Variants in TMEM178B observed in about 807,000 individuals in gnomAD.
TMEM178B encodes the protein transmembrane protein 178B.
TMEM178B carries 5 observed loss-of-function variants against 31.0 expected under a neutral mutation model. The observed-to-expected ratio is 0.16, with a 90% confidence interval of 0.08 to 0.34. The LOEUF is 0.34. Ranked by LOEUF, TMEM178B falls within the 10% of genes least tolerant of loss-of-function variation. The pLI, the probability that TMEM178B is intolerant of heterozygous loss-of-function variation, is 1.00. For synonymous variants in TMEM178B, 164 were observed against 164.0 expected, an observed-to-expected ratio of 1.00 and a Z score of 0.00; for missense variants, 275 against 400.3, an observed-to-expected ratio of 0.69 and a Z score of 2.67.
chr7:141,407,178 C>G (rs2116628393), intron 2 of TMEM178B, among the ~76,000 whole-genome samples: 1 of 152,338 alleles, frequency 6.6e-6, no homozygotes, highest in Non-Finnish European at 1.5e-5. Flanking sequence ...CTATCTGGCC[C>G]TTTACAGGAA....
At chr7:141,290,572 C>A (rs1377789172) in intron 2 of TMEM178B, among the ~76,000 whole-genome samples, 1 of 152,120 alleles carries the variant, frequency 6.6e-6, no homozygotes, top group Admixed American at 6.5e-5. Flanking sequence ...CACACGCACA[C>A]ACACGTGCAT....
At chr7:141,097,649 T>A (rs1794985840) in intron 1 of TMEM178B, among the ~76,000 whole-genome samples, 1 of 152,068 alleles carries the variant, frequency 6.6e-6, no homozygotes, top group African/African-American at 2.4e-5. Context: ...AGCATTTTCA[T>A]CAAGTGCTAA....
chr7:141,304,490 C>T (rs1252284878), intron 2 of TMEM178B, among the ~76,000 whole-genome samples: 1 of 152,188 alleles, frequency 6.6e-6, no homozygotes, highest in African/African-American at 2.4e-5. Flanking sequence ...GAGCTGCCTT[C>T]TCTTCTCTTG....
intron 2 of TMEM178B, among the ~76,000 whole-genome samples, chr7:141,400,405 C>G (rs571143058): frequency 5.3e-5 from 8 of 152,308 alleles, no homozygotes; most frequent in Admixed American, 2.0e-4. Context: ...GCCACTGCTT[C>G]AACTGGGGCC....
chr7:141,309,175 C>T (rs937855661), intron 2 of TMEM178B, among the ~76,000 whole-genome samples: 1 of 152,104 alleles, frequency 6.6e-6, no homozygotes, highest in Non-Finnish European at 1.5e-5. Context: ...AAATAAAAAT[C>T]ACCTGTATCT....
At chr7:141,123,021 G>A (rs116431710) in intron 1 of TMEM178B, among the ~76,000 whole-genome samples, 4 of 152,228 alleles carry the variant, frequency 2.6e-5, no homozygotes, top group African/African-American at 9.6e-5. Context: ...TCTACACTCT[G>A]TGTTATGCCT....
the TMEM178B span, among the ~76,000 whole-genome samples, chr7:141,507,747 T>C: frequency 0.1 from 15,658 of 152,156 alleles, 2,485 homozygotes; most frequent in African/African-American, 0.34. Flanking sequence ...GAGCTTCCAT[T>C]CTCTGAGGCC....
chr7:141,300,504 C>T (rs1798704746), intron 2 of TMEM178B, among the ~76,000 whole-genome samples: 1 of 152,074 alleles, frequency 6.6e-6, no homozygotes, highest in South Asian at 2.1e-4. Flanking sequence ...CCAATCCACC[C>T]CTCTCTCTGA....
intron 1 of TMEM178B, among the ~76,000 whole-genome samples, chr7:141,111,223 C>T (rs767200677): frequency 4.6e-5 from 7 of 152,140 alleles, no homozygotes; most frequent in South Asian, 4.1e-4. Flanking sequence ...GGCAAGAGAG[C>T]GTGTGCAGAG....
At chr7:141,237,355 GGTAA>G (rs139719545) in intron 2 of TMEM178B, among the ~76,000 whole-genome samples, 6,052 of 152,190 alleles carry the variant, frequency 0.04, 196 homozygotes, top group East Asian at 0.14. Flanking sequence ...TCAAAAATGG[GGTAA>G]GTGTTAAACA....
chr7:141,244,309 A>G (rs1177593703), intron 2 of TMEM178B, among the ~76,000 whole-genome samples: 1 of 152,210 alleles, frequency 6.6e-6, no homozygotes, highest in African/African-American at 2.4e-5. Context: ...TAAGTACCCA[A>G]ATGATACTAT....
chr7:141,247,643 C>A (rs1050943883), intron 2 of TMEM178B, among the ~76,000 whole-genome samples: 1 of 151,938 alleles, frequency 6.6e-6, no homozygotes, highest in South Asian at 2.1e-4. Context: ...GTGGAGGATG[C>A]AGAGGAAGAA....
the TMEM178B span, among the ~76,000 whole-genome samples, chr7:141,494,538 A>G: frequency 6.6e-6 from 1 of 152,222 alleles, no homozygotes; most frequent in African/African-American, 2.4e-5. Flanking sequence ...CTTTCATAAC[A>G]TTTAAAAAAT....
At chr7:141,355,639 GT>G (rs1425875526) in intron 2 of TMEM178B, among the ~76,000 whole-genome samples, 1 of 152,188 alleles carries the variant, frequency 6.6e-6, no homozygotes, top group Non-Finnish European at 1.5e-5. Flanking sequence ...GGTTAGGGTT[GT>G]TTTTTCTGCA....
intron 1 of TMEM178B, among the ~76,000 whole-genome samples, chr7:141,207,355 A>G (rs529368804): frequency 6.6e-6 from 1 of 152,286 alleles, no homozygotes; most frequent in South Asian, 2.1e-4. Context: ...TTTTTGAGGA[A>G]CCACCATACT....
At chr7:141,503,494 A>G in the TMEM178B span, among the ~76,000 whole-genome samples, 1 of 152,212 alleles carries the variant, frequency 6.6e-6, no homozygotes, top group African/African-American at 2.4e-5. Flanking sequence ...ACTGTTAAAT[A>G]AAGTCAACTC....
chr7:141,251,239 A>G (rs1230126537), intron 2 of TMEM178B, among the ~76,000 whole-genome samples: 1 of 151,876 alleles, frequency 6.6e-6, no homozygotes, highest in Non-Finnish European at 1.5e-5. Context: ...ACTGGAGGTA[A>G]ACAAACAAAC....
At chr7:141,075,030 C>T (rs1794577416) in intron 1 of TMEM178B, among the ~76,000 whole-genome samples, 1 of 152,150 alleles carries the variant, frequency 6.6e-6, no homozygotes, top group Middle Eastern at 3.2e-3. Context: ...TTAAAGGAAG[C>T]CCTTTAGGAG....
chr7:141,326,491 G>A (rs760041050), intron 2 of TMEM178B, among the ~76,000 whole-genome samples: 79 of 152,156 alleles, frequency 5.2e-4, no homozygotes, highest in Non-Finnish European at 8.4e-4. Flanking sequence ...TGCTTGTAGT[G>A]CCTATGGGTA....
Sources: allele counts gnomAD v4.1 joint callset (sites outside exome capture counted in the v4.1 genomes callset), GRCh38; gene constraint gnomAD v4.1.1; transcripts MANE v1.5; gene names NCBI Gene and HGNC (gene_info 2026-07-23, HGNC 2026-07-21).